Variants in NXPE3 observed in about 807,000 individuals in gnomAD.
NXPE3 encodes the protein neurexophilin and PC-esterase domain family member 3.
NXPE3 carries 26 observed loss-of-function variants against 46.1 expected under a neutral mutation model. The observed-to-expected ratio is 0.56, with a 90% CI of 0.41 to 0.78. NXPE3 has a LOEUF of 0.78. Ranked by LOEUF, NXPE3 falls within the 30% of genes least tolerant of loss-of-function variation. NXPE3 has a pLI of 0.00. For synonymous variants in NXPE3, 272 were observed against 257.9 expected, an observed-to-expected ratio of 1.05 and a Z score of -0.52; for missense variants, 620 against 686.0, an observed-to-expected ratio of 0.90 and a Z score of 1.07.
At chr3:101,820,141 C>A (rs377568896) in intron 7 of NXPE3, among the ~76,000 whole-genome samples, 5 of 152,244 alleles carry the variant, frequency 3.3e-5, no homozygotes, top group African/African-American at 1.2e-4. Context: ...AAGCCCATGT[C>A]TTGAGAGAAA....
chr3:101,817,317 C>T (rs1942016925), intron 7 of NXPE3, among the ~76,000 whole-genome samples: 1 of 152,200 alleles, frequency 6.6e-6, no homozygotes, highest in Admixed American at 6.5e-5. Flanking sequence ...TGTCACTTCA[C>T]AGGTGTCTTT....
rs1941124173 is a variant in NXPE3 at position 101,801,268 on chromosome 3, A to G, written c.127A>G (p.Ile43Val). 3 of 1,613,360 alleles carry G rather than the reference A, an allele frequency of 1.9e-6. No homozygotes were observed. The highest frequency in any genetic ancestry group is 2.5e-6 in the Non-Finnish European group (3 of 1,179,632). ...CCATGAGACTGTTTCAGCCACTTTC[A>G]TCGACAGCAGTGGACAGTTTGTTTC... ...LDHETVSATF[I>V]DSSGQFVSSQ... is the part of the protein sequence containing the mutation. Residue 43 changes from isoleucine to valine, a missense_variant, in exon 5 of 8, where the codon ATC becomes GTC. Coordinates refer to ENST00000273347, the MANE Select transcript of NXPE3 (RefSeq NM_145037.4).
At chr3:101,792,454 G>A (rs1940574422) in intron 4 of NXPE3, among the ~76,000 whole-genome samples, 2 of 152,134 alleles carry the variant, frequency 1.3e-5, no homozygotes, top group African/African-American at 4.8e-5. Context: ...GTGTAAGGAA[G>A]GGGTCCAGTT....
At chr3:101,785,765 G>A (rs1309219504) in intron 4 of NXPE3, 76 bp downstream of exon 4, 27 of 1,223,932 alleles carry the variant, frequency 2.2e-5, no homozygotes, top group Middle Eastern at 2.3e-4. Context: ...CTGGGAAAAC[G>A]TTGGTTATCG....
In NXPE3 at chr3:101,821,662, TC is replaced by T. The variant is rs778261482; in HGVS notation, c.1390del (p.Arg464ValfsTer30). ...LEVYIRRLRN[I>X]RRAVVRLLDR... ...GTGTACATCCGGCGGCTCAGGAACA[TC>T]CGTCGAGCAGTGGTTCGGCTCCTCG... On this transcript the variant is annotated frameshift_variant, in exon 8 of 8. Coordinates refer to ENST00000273347, the MANE Select transcript of NXPE3 (RefSeq NM_145037.4). LOFTEE classifies it high-confidence loss of function. 2 of 1,614,208 alleles carry T rather than the reference TC, an allele frequency of 1.2e-6. No individual in the cohort carries two copies. The highest frequency in any genetic ancestry group is 2.2e-5 in the South Asian group (2 of 91,084).
Position 101,816,946 on chromosome 3 carries a change from A to C in NXPE3, c.1074A>C (p.Leu358Phe). The change falls in exon 7 of 8, where the codon TTA becomes TTC. Residue 358 changes from leucine to phenylalanine, a missense_variant. Leu to Phe is a conservative substitution (Grantham distance 22). Transcript: ENST00000273347. ...TECLQRKVVH[L>F]FGDSTIRQWF... ...GCTTACAAAGAAAAGTGGTGCATTT[A>C]TTTGGTGACTCAACAATCAGGCAAT... The C allele has an allele frequency of 1.9e-6, 3 of 1,614,142 alleles. No homozygotes were observed. The highest frequency in any genetic ancestry group is 2.5e-6 in the Non-Finnish European group (3 of 1,179,992).
At chr3:101,793,522 G>T (rs544321284) in intron 4 of NXPE3, among the ~76,000 whole-genome samples, 1 of 148,770 alleles carries the variant, frequency 6.7e-6, no homozygotes, top group Non-Finnish European at 1.5e-5. Flanking sequence ...AAAGCATTAT[G>T]GTTACATCTA....
chr3:101,800,509 C>T (rs9817741), intron 4 of NXPE3, among the ~76,000 whole-genome samples: 44,110 of 152,024 alleles, frequency 0.29, 6,368 homozygotes, highest in Middle Eastern at 0.37. Flanking sequence ...TTACAGATGT[C>T]AACTATATCC....
chr3:101,793,226 T>A (rs1196094488), intron 4 of NXPE3, among the ~76,000 whole-genome samples: 1 of 152,230 alleles, frequency 6.6e-6, no homozygotes, highest in Non-Finnish European at 1.5e-5. Flanking sequence ...ATAGTTTGAT[T>A]TCCTCTCTTC....
intron 6 of NXPE3, among the ~76,000 whole-genome samples, chr3:101,811,617 T>TA (rs1263911020): frequency 1.6e-4 from 25 of 152,278 alleles, no homozygotes; most frequent in Middle Eastern, 3.4e-3. Context: ...GAGTCAGACT[T>TA]AGAGTAGGTC....
intron 6 of NXPE3, among the ~76,000 whole-genome samples, chr3:101,808,818 G>GATATATATATATATATATATATATATAT (rs58006464): frequency 3.2e-5 from 1 of 30,810 alleles, no homozygotes; most frequent in Non-Finnish European, 5.9e-5. Context: ...AATTTTAGAG[G>GATATATATATATATATATATATATATAT]ATATATATAT....
intron 4 of NXPE3, among the ~76,000 whole-genome samples, chr3:101,800,214 G>A (rs948876375): frequency 1.3e-5 from 2 of 151,952 alleles, no homozygotes; most frequent in African/African-American, 4.8e-5. Flanking sequence ...TTCCCTCTAA[G>A]CACTTCTCTT....
At chr3:101,817,150 T>C (rs1942012086) in intron 7 of NXPE3, 149 bp downstream of exon 7, 1 of 698,726 alleles carries the variant, frequency 1.4e-6, no homozygotes, top group Non-Finnish European at 2.5e-6. Flanking sequence ...TGGAGAGATG[T>C]GTGACAGTTT....
chr3:101,821,264 G>C (rs1319395117), intron 7 of NXPE3, 140 bp from the exon 8 acceptor site: 3 of 646,522 alleles, frequency 4.6e-6, no homozygotes, highest in Non-Finnish European at 8.1e-6. Context: ...CAGTGAAATA[G>C]GTATTCCCTT....
At chr3:101,790,759 A>T (rs1261793752) in intron 4 of NXPE3, among the ~76,000 whole-genome samples, 3 of 151,722 alleles carry the variant, frequency 2.0e-5, no homozygotes. Flanking sequence ...CGTCTGGCTA[A>T]TTTTTTGTAT....
In NXPE3 at chr3:101,824,107, A is replaced by G. The variant is rs1942383302; in HGVS notation, c.*2153A>G. 1 of 152,004 alleles carries G rather than the reference A, an allele frequency of 6.6e-6. No homozygotes were observed. Among genetic ancestry groups the G allele is most frequent in the Non-Finnish European group, 1.5e-5 (1 of 68,202 alleles). The allele number at this position is 152,004 out of a possible 1,614,324, so 9.4% of individuals were successfully genotyped here. ...CAGGGCAAGACCCTGTCTCTAAAAA[A>G]AAAAAAAAAAAAAAAAGAGGGACCA... On this transcript the variant is annotated 3_prime_UTR_variant, in exon 8 of 8. Coordinates refer to ENST00000273347, the MANE Select transcript of NXPE3 (RefSeq NM_145037.4).
rs1309681313 is a variant in NXPE3, at chr3:101,823,140, T to C, written c.*1186T>C. 1 of 152,130 alleles carries C rather than the reference T, an allele frequency of 6.6e-6. No individual in the cohort carries two copies. The highest frequency in any genetic ancestry group is 1.5e-5 in the Non-Finnish European group (1 of 68,028). The allele number at this position is 152,130 out of a possible 1,614,324, so 9.4% of individuals were successfully genotyped here. ...GTACTCTTTTCTTTTTGAGCTGTGATAGATTATAGTCTAGTTTAAGTTGCT... is the reference window on the plus strand; with the variant it reads ...GTACTCTTTTCTTTTTGAGCTGTGACAGATTATAGTCTAGTTTAAGTTGCT... On this transcript the variant is annotated 3_prime_UTR_variant, in exon 8 of 8. Coordinates refer to ENST00000273347, the MANE Select transcript of NXPE3 (RefSeq NM_145037.4).
chr3:101,810,057 T>C (rs1272377251), intron 6 of NXPE3, among the ~76,000 whole-genome samples: 2 of 152,236 alleles, frequency 1.3e-5, no homozygotes, highest in Non-Finnish European at 2.9e-5. Context: ...TTGCCTGAGA[T>C]TGGCAGTGCT....
chr3:101,820,899 G>C (rs1942216548), intron 7 of NXPE3, among the ~76,000 whole-genome samples: 1 of 152,174 alleles, frequency 6.6e-6, no homozygotes, highest in Non-Finnish European at 1.5e-5. Context: ...GGAAGGAGAG[G>C]AGCAGACAAG....
Sources: allele counts gnomAD v4.1 joint callset (sites outside exome capture counted in the v4.1 genomes callset), GRCh38; gene constraint gnomAD v4.1.1; transcripts MANE v1.5; gene names NCBI Gene and HGNC (gene_info 2026-07-23, HGNC 2026-07-21).